The following MALT1 variants were observed in gnomAD, a reference collection of about 807,000 sequenced individuals.
MALT1 encodes MALT1 paracaspase, also known as mucosa-associated lymphoid tissue lymphoma translocation protein 1.
Under a neutral mutation model 85.5 loss-of-function variants are expected in MALT1, and 36 were observed. That is an observed-to-expected ratio of 0.42 (90% CI 0.32 to 0.56). MALT1 has a LOEUF of 0.56. Among genes scored for constraint, MALT1 ranks in the 20% least tolerant of loss-of-function variants. MALT1 has a pLI of 0.10. For synonymous variants in MALT1, 359 were observed against 361.3 expected (o/e 0.99, Z 0.07); for missense variants, 716 against 981.6 (o/e 0.73, Z 3.62).
intron 10 of MALT1, among the ~76,000 whole-genome samples, chr18:58,727,515 G>A (rs2055074101): frequency 6.6e-6 from 1 of 151,978 alleles, no homozygotes; most frequent in Admixed American, 6.6e-5. Flanking sequence ...GTGTTAGCCA[G>A]GATGGTCTCG....
intron 2 of MALT1, among the ~76,000 whole-genome samples, chr18:58,685,840 T>C (rs1387920782): frequency 6.6e-6 from 1 of 152,160 alleles, no homozygotes; most frequent in Non-Finnish European, 1.5e-5. Flanking sequence ...ATTCCTTTGC[T>C]CATCTCAGTG....
chr18:58,738,115 T>G (rs1037500960), intron 13 of MALT1, among the ~76,000 whole-genome samples: 10 of 152,186 alleles, frequency 6.6e-5, no homozygotes, highest in African/African-American at 2.4e-4. Flanking sequence ...CTCTTCTCCC[T>G]TCCCCCACTC....
At position 58,680,643 on chromosome 18, in the gene MALT1, G is replaced by A. The variant is rs543081899; in HGVS notation, c.210-527G>A. On this transcript the variant is annotated intron_variant, in intron 1 of 16. Transcript: ENST00000649217. The stretch of plus-strand genomic sequence containing the variant: ...AATTTCTCTCACATCCTGTTTCTGG[G>A]TTTCTCATTCTCCTGATTTAATAAT... Among the ~76,000 whole-genome samples the A allele has an allele frequency of 8.5e-5, 13 of 152,228 alleles. No homozygotes were observed. In the South Asian group the frequency reaches 1.2e-3, roughly 15 times the overall value.
chr18:58,676,548 C>T (rs1454502449), intron 1 of MALT1, among the ~76,000 whole-genome samples: 1 of 152,234 alleles, frequency 6.6e-6, no homozygotes, highest in Non-Finnish European at 1.5e-5. Context: ...CTGAGATGGT[C>T]TCCACAGGTA....
chr18:58,699,001 T>G (rs1243377145), intron 3 of MALT1, among the ~76,000 whole-genome samples: 1 of 152,216 alleles, frequency 6.6e-6, no homozygotes, highest in South Asian at 2.1e-4. Context: ...TTCCCAGAAC[T>G]TTCTGTTTTG....
chr18:58,746,124 C>T (rs1234088851), intron 16 of MALT1, among the ~76,000 whole-genome samples: 1 of 152,046 alleles, frequency 6.6e-6, no homozygotes, highest in Non-Finnish European at 1.5e-5. Flanking sequence ...TGCATATGAT[C>T]CTGCCACCTC....
chr18:58,694,243 A>G (rs1413445942), intron 2 of MALT1, among the ~76,000 whole-genome samples: 1 of 152,184 alleles, frequency 6.6e-6, no homozygotes, highest in East Asian at 1.9e-4. Flanking sequence ...GAGGCCCTCA[A>G]ATGTGCTAGG....
Position 58,671,852 on chromosome 18 carries a change from G to A in MALT1, c.209G>A (p.Ser70Asn). Residue 70 changes from serine to asparagine, a missense_variant and splice_region_variant, in exon 1 of 17, where the codon AGT becomes AAT. By Grantham distance (46) the Ser-to-Asn change is conservative. Transcript: ENST00000649217. ...LAGSRGRLRL[S>N]CLDLEQCSLK... ...GGGAGTCGCGGGCGCCTCCGCCTCA[G>A]GTGAGCTCAGGGCCGCGGCAGGCCG... 1 of 1,224,992 alleles carries A rather than the reference G, an allele frequency of 8.2e-7. No individual in the cohort carries two copies. Among genetic ancestry groups the A allele is most frequent in the Non-Finnish European group, 1.0e-6 (1 of 983,902 alleles). 75.9% of individuals were successfully genotyped at this position (1,224,992 alleles called of 1,614,324 possible). A position where few individuals can be genotyped will look rare whatever the true frequency, so the allele number is the denominator to read the frequency against.
At chr18:58,744,737 A>C (rs1438271201) in intron 15 of MALT1, among the ~76,000 whole-genome samples, 1 of 152,162 alleles carries the variant, frequency 6.6e-6, no homozygotes, top group Admixed American at 6.5e-5. Flanking sequence ...CTTATATCCT[A>C]AACACGAGAG....
intron 11 of MALT1, 91 bp from the exon 12 acceptor site, chr18:58,734,216 A>G (rs2055193647): frequency 1.8e-6 from 2 of 1,119,380 alleles, no homozygotes; most frequent in African/African-American, 3.2e-5. Flanking sequence ...ATTCTAAAAA[A>G]CTGTTGTATT....
chr18:58,735,237 C>G lies in MALT1; in HGVS notation c.1511C>G (p.Ser504Cys). The G allele has an allele frequency of 6.2e-7, 1 of 1,609,068 alleles. No homozygotes were observed. Among genetic ancestry groups the G allele is most frequent in the South Asian group, 1.1e-5 (1 of 89,326 alleles). Residue 504 changes from serine to cysteine, a missense_variant, in exon 13 of 17, where the codon TCT becomes TGT. Coordinates refer to ENST00000649217, the MANE Select transcript of MALT1 (RefSeq NM_006785.4). The stretch of plus-strand genomic sequence containing the variant: ...GCAGAAGCTTTTGAAATCCAGCATT[C>G]TGGATTGGCAAATGGAATCTTTATG... ...QGAEAFEIQH[S>C]GLANGIFMKF...
chr18:58,717,375 A>G (rs1400532871), intron 9 of MALT1, among the ~76,000 whole-genome samples: 1 of 152,126 alleles, frequency 6.6e-6, no homozygotes. Context: ...AAAAAAAAAA[A>G]AAGATTGAGG....
intron 8 of MALT1, 71 bp from the exon 9 acceptor site, chr18:58,715,864 C>T: frequency 9.8e-7 from 1 of 1,021,146 alleles, no homozygotes; most frequent in Non-Finnish European, 1.5e-6. Context: ...ATGTTATATA[C>T]TTTTCATGTA....
chr18:58,725,236 C>T (rs1221696365), intron 10 of MALT1, among the ~76,000 whole-genome samples: 3 of 151,958 alleles, frequency 2.0e-5, no homozygotes, highest in Admixed American at 1.3e-4. Flanking sequence ...ACACAAGAAT[C>T]GCTTGAACCC....
chr18:58,687,283 G>T (rs2054418624), intron 2 of MALT1, among the ~76,000 whole-genome samples: 1 of 152,216 alleles, frequency 6.6e-6, no homozygotes, highest in Admixed American at 6.5e-5. Context: ...GGTGAGCAAG[G>T]CCTGAAGGAA....
chr18:58,675,135 T>C (rs1040769541), intron 1 of MALT1, among the ~76,000 whole-genome samples: 9 of 152,186 alleles, frequency 5.9e-5, no homozygotes, highest in African/African-American at 2.2e-4. Flanking sequence ...TTAGTGTAGA[T>C]AGACACAGAC....
intron 4 of MALT1, among the ~76,000 whole-genome samples, chr18:58,705,551 A>C (rs2054739256): frequency 7.6e-6 from 1 of 132,002 alleles, no homozygotes; most frequent in South Asian, 2.5e-4. Context: ...TTCAATTCCC[A>C]CCTATGAGTG....
At chr18:58,682,337 A>G (rs2054335018) in intron 2 of MALT1, among the ~76,000 whole-genome samples, 1 of 152,230 alleles carries the variant, frequency 6.6e-6, no homozygotes, top group Non-Finnish European at 1.5e-5. Context: ...CCAAATAGGC[A>G]TAATAAAGAG....
At chr18:58,695,075 G>A (rs1602294071) in intron 2 of MALT1, among the ~76,000 whole-genome samples, 1 of 152,298 alleles carries the variant, frequency 6.6e-6, no homozygotes, top group Middle Eastern at 3.4e-3. Flanking sequence ...TTATAAAGGG[G>A]AGGTTCCCTG....
Sources: gnomAD v4.1 joint callset for allele counts (sites outside exome capture counted in the v4.1 genomes callset) on GRCh38, gnomAD v4.1.1 for gene constraint, MANE v1.5 for transcripts, NCBI Gene and HGNC (gene_info 2026-07-23, HGNC 2026-07-21) for gene names.